Variants in PKP2 observed in about 807,000 individuals in gnomAD.
PKP2 encodes the protein plakophilin-2.
A neutral mutation model predicts 83.4 loss-of-function variants in PKP2; 73 were observed. The ratio of observed to expected loss-of-function variants is 0.88; its 90% CI spans 0.72 to 1.06. PKP2 has a LOEUF of 1.06. Ranked by LOEUF, PKP2 falls within the 50% of genes least tolerant of loss-of-function variation. The probability of loss-of-function intolerance (pLI) is 0.00; values close to 1 mark genes in which losing one functional copy is unlikely to be tolerated. For missense variants in PKP2, 966 were observed against 1,065.4 expected, an observed-to-expected ratio of 0.91 and a Z score of 1.30; for synonymous variants, 409 against 430.4, an observed-to-expected ratio of 0.95 and a Z score of 0.62.
intron 4 of PKP2, among the ~76,000 whole-genome samples, chr12:32,864,335 CACAT>C (rs1157931654): frequency 2.6e-3 from 387 of 148,738 alleles, no homozygotes; most frequent in African/African-American, 8.6e-3. Context: ...CACACACACA[CACAT>C]ACACACGTAA....
intron 1 of PKP2, among the ~76,000 whole-genome samples, chr12:32,896,065 T>C (rs1172847542): frequency 6.6e-6 from 1 of 152,118 alleles, no homozygotes; most frequent in Non-Finnish European, 1.5e-5. Flanking sequence ...CCCCAAGATA[T>C]TTATGGGGGT....
intron 4 of PKP2, among the ~76,000 whole-genome samples, chr12:32,866,504 T>C (rs1956849921): frequency 7.5e-6 from 1 of 132,484 alleles, no homozygotes; most frequent in African/African-American, 2.8e-5. Context: ...TGAGCCAAAA[T>C]TGTGCCACTG....
intron 1 of PKP2, among the ~76,000 whole-genome samples, chr12:32,896,216 G>T (rs1483646366): frequency 6.6e-6 from 1 of 152,224 alleles, no homozygotes; most frequent in Non-Finnish European, 1.5e-5. Context: ...CCAGTGAGGG[G>T]CGCGGACCGG....
At chr12:32,829,851 G>T (rs542340756) in intron 6 of PKP2, among the ~76,000 whole-genome samples, 1 of 152,132 alleles carries the variant, frequency 6.6e-6, no homozygotes, top group African/African-American at 2.4e-5. Flanking sequence ...AGTAGAGACA[G>T]GGTTTCACCA....
intron 4 of PKP2, among the ~76,000 whole-genome samples, chr12:32,853,887 C>T (rs918057772): frequency 3.3e-5 from 5 of 152,144 alleles, no homozygotes; most frequent in Non-Finnish European, 7.3e-5. Context: ...GATATATACC[C>T]GTGTCTTCTG....
intron 4 of PKP2, among the ~76,000 whole-genome samples, chr12:32,855,773 CAA>C (rs11431590): frequency 1.3e-4 from 6 of 46,828 alleles, no homozygotes; most frequent in Admixed American, 2.7e-4. Context: ...GACTCCATCT[CAA>C]AAAAAAAAAA....
At chr12:32,877,207 T>C (rs945486077) in intron 3 of PKP2, among the ~76,000 whole-genome samples, 3 of 152,224 alleles carry the variant, frequency 2.0e-5, no homozygotes, top group African/African-American at 7.2e-5. Context: ...TGATCAGGCA[T>C]TAAACTTGAA....
chr12:32,891,613 C>T (rs181360101), intron 1 of PKP2, among the ~76,000 whole-genome samples: 51 of 152,308 alleles, frequency 3.3e-4, no homozygotes, highest in Admixed American at 2.7e-3. Flanking sequence ...GTTCCCATGA[C>T]TGTGGAACTC....
intron 9 of PKP2, among the ~76,000 whole-genome samples, chr12:32,818,487 C>G (rs143430879): frequency 5.9e-5 from 9 of 151,986 alleles, no homozygotes; most frequent in Non-Finnish European, 1.2e-4. Context: ...CAAAAAAACC[C>G]GAAACTTTAT....
chr12:32,838,541 G>C (rs1956562576), intron 6 of PKP2, among the ~76,000 whole-genome samples: 1 of 151,258 alleles, frequency 6.6e-6, no homozygotes. Context: ...TCTGGCTTTA[G>C]CCTATGTTTC....
chr12:32,797,013 A>G lies in PKP2; in HGVS notation c.2168-715T>C, dbSNP rs150239977. 8.5e-5 allele frequency among the ~76,000 whole-genome samples: 13 copies of G among 152,336 alleles called. No homozygotes were observed. In the East Asian group the frequency reaches 2.5e-3, roughly 29 times the overall value. ...AAAGCCTGAATATCCTTATAATAGG[A>G]CTATGATTAACTAAAACACACCTGC... On this transcript the variant is annotated intron_variant, in intron 10 of 12. Coordinates refer to ENST00000340811, the MANE Select transcript of PKP2 (RefSeq NM_001005242.3).
chr12:32,805,651 T>C (rs11052253), intron 9 of PKP2, among the ~76,000 whole-genome samples: 29,726 of 152,082 alleles, frequency 0.2, 3,577 homozygotes, highest in East Asian at 0.56. Flanking sequence ...TCTATTCAAT[T>C]CCATTGGTCT....
At position 32,792,552 on chromosome 12, in the gene PKP2, G is replaced by T. The variant is rs113493546; in HGVS notation, c.2446-60C>A. On this transcript the variant is annotated intron_variant, in intron 12 of 12. Transcript: ENST00000340811. ...CAAAACTGGCACACAAGAAAATGCA[G>T]TTTTTTAGCGATTTCTTCCCAGGGT... 0.03 allele frequency: 46,442 copies of T among 1,564,768 alleles called. 908 individuals carry two copies. The highest frequency in any genetic ancestry group is 0.065 in the African/African-American group (4,775 of 73,954).
chr12:32,870,719 G>A (rs767812684), intron 3 of PKP2, among the ~76,000 whole-genome samples: 3 of 151,986 alleles, frequency 2.0e-5, no homozygotes, highest in East Asian at 3.9e-4. Context: ...CAGCCATCAC[G>A]GTTGTTTTAA....
intron 5 of PKP2, among the ~76,000 whole-genome samples, chr12:32,844,777 A>G (rs1392681739): frequency 1.3e-5 from 2 of 152,210 alleles, no homozygotes; most frequent in Non-Finnish European, 1.5e-5. Flanking sequence ...GCCCAGTGAC[A>G]AAACAGACTC....
intron 1 of PKP2, among the ~76,000 whole-genome samples, chr12:32,892,566 T>C (rs982710153): frequency 6.6e-6 from 1 of 152,066 alleles, no homozygotes; most frequent in Non-Finnish European, 1.5e-5. Flanking sequence ...TCCACCCGTC[T>C]CGGCCTCCTA....
intron 9 of PKP2, among the ~76,000 whole-genome samples, chr12:32,805,681 C>A (rs1444251351): frequency 2.0e-5 from 3 of 152,096 alleles, no homozygotes; most frequent in African/African-American, 7.2e-5. Flanking sequence ...CTTTTTGTAC[C>A]AGTGCCATGC....
chr12:32,860,755 C>T (rs1281953678), intron 4 of PKP2, among the ~76,000 whole-genome samples: 2 of 152,008 alleles, frequency 1.3e-5, no homozygotes, highest in African/African-American at 2.4e-5. Flanking sequence ...TTGGTCTGGG[C>T]GCGGTGGTGC....
chr12:32,879,096 G>T, intron 1 of PKP2, 64 bp from the exon 2 acceptor site: 1 of 863,678 alleles, frequency 1.2e-6, no homozygotes, highest in Non-Finnish European at 2.0e-6. Context: ...TTTACAGACT[G>T]TATAACAATG....
Sources: gnomAD v4.1 joint callset for allele counts (sites outside exome capture counted in the v4.1 genomes callset) on GRCh38, gnomAD v4.1.1 for gene constraint, MANE v1.5 for transcripts, NCBI Gene and HGNC (gene_info 2026-07-23, HGNC 2026-07-21) for gene names.